MCCC2: variants seen among roughly 807,000 people sequenced by gnomAD.
MCCC2 encodes the protein methylcrotonyl-CoA carboxylase subunit 2.
A neutral mutation model predicts 77.2 loss-of-function variants in MCCC2; 52 were observed. The observed-to-expected ratio is 0.67, with a 90% CI of 0.54 to 0.85. The LOEUF is 0.85. MCCC2 is among the 40% of genes least tolerant of loss of function. MCCC2 has a pLI of 0.00. For missense variants in MCCC2, 682 were observed against 703.2 expected (o/e 0.97, Z 0.34); for synonymous variants, 253 against 248.4 (o/e 1.02, Z -0.18).
At chr5:71,636,023 T>G (rs1373610772) in intron 10 of MCCC2, 1 of 261,614 alleles carries the variant, frequency 3.8e-6, no homozygotes, top group Non-Finnish European at 7.8e-6. Flanking sequence ...CACATTTTTA[T>G]GTAGTTGAGA....
In MCCC2 at chr5:71,589,203, T is replaced by C. The variant is rs183850015; in HGVS notation, c.129+1649T>C. Among the ~76,000 whole-genome samples, 164 of 152,286 alleles carry C rather than the reference T, an allele frequency of 1.1e-3. 1 individual carries two copies. The highest frequency in any genetic ancestry group is 3.7e-3 in the Admixed American group (56 of 15,288). Reference sequence around the variant, plus strand: ...TTGGAGTTTCCAACTGGGCAGAATATTTAGTTAGGTGGAACTGCCATTAAT... The same window carrying C: ...TTGGAGTTTCCAACTGGGCAGAATACTTAGTTAGGTGGAACTGCCATTAAT... On this transcript the variant is annotated intron_variant, in intron 1 of 16. Coordinates refer to ENST00000340941, the MANE Select transcript of MCCC2 (RefSeq NM_022132.5).
At chr5:71,615,566 CTCAG>C (rs1419921340) in intron 6 of MCCC2, among the ~76,000 whole-genome samples, 1 of 152,124 alleles carries the variant, frequency 6.6e-6, no homozygotes, top group Non-Finnish European at 1.5e-5. Context: ...GTTCTGCTTT[CTCAG>C]TCAATTTCCT....
chr5:71,593,115 T>TCTTG (rs1745047625), intron 2 of MCCC2, 123 bp downstream of exon 2: 9 of 785,660 alleles, frequency 1.1e-5, no homozygotes, highest in Non-Finnish European at 1.9e-5. Context: ...TGAGATGGAG[T>TCTTG]CTTGCTCTCT....
At chr5:71,622,875 G>A (rs1430070403) in intron 6 of MCCC2, among the ~76,000 whole-genome samples, 5 of 152,198 alleles carry the variant, frequency 3.3e-5, no homozygotes, top group African/African-American at 1.2e-4. Flanking sequence ...GGGAGGCGGA[G>A]GCGGGCGGAT....
At chr5:71,607,004 C>T (rs1394835707) in intron 6 of MCCC2, among the ~76,000 whole-genome samples, 44 of 150,410 alleles carry the variant, frequency 2.9e-4, no homozygotes, top group African/African-American at 1.0e-3. Flanking sequence ...ATTTTTGCAT[C>T]AATGTTCATC....
chr5:71,630,636 C>G (rs1444377768), intron 7 of MCCC2, among the ~76,000 whole-genome samples: 2 of 152,048 alleles, frequency 1.3e-5, no homozygotes, highest in Admixed American at 6.5e-5. Context: ...GGAAAAGAAC[C>G]AAGAATTTAG....
At chr5:71,633,051 A>G (rs1426132356) in intron 8 of MCCC2, among the ~76,000 whole-genome samples, 2 of 141,744 alleles carry the variant, frequency 1.4e-5, no homozygotes, top group African/African-American at 5.3e-5. Context: ...TTTTAGGAGT[A>G]ATTGGGAAAC....
chr5:71,649,072 G>T, intron 13 of MCCC2, 25 bp from the exon 14 acceptor site: 1 of 1,613,820 alleles, frequency 6.2e-7, no homozygotes, highest in Non-Finnish European at 8.5e-7. Flanking sequence ...TCACCCAGAG[G>T]CTCTCTTTCT....
At position 71,643,904 on chromosome 5, in the gene MCCC2, T is replaced by C; in HGVS notation, c.1149+9T>C. 6.2e-7 allele frequency: 1 copy of C among 1,613,954 alleles called. No homozygotes were observed. Among genetic ancestry groups the C allele is most frequent in the South Asian group, 1.1e-5 (1 of 91,054 alleles). On this transcript the variant is annotated intron_variant, in intron 12 of 16. Coordinates refer to ENST00000340941, the MANE Select transcript of MCCC2 (RefSeq NM_022132.5). Reference sequence around the variant, plus strand: ...CTGAATCTGCAAAAAAGGCAAGTACTGTTAAAAATATTTCAAGATTTTCTG... The same window carrying C: ...CTGAATCTGCAAAAAAGGCAAGTACCGTTAAAAATATTTCAAGATTTTCTG...
chr5:71,653,809 C>T (rs1747505667), intron 16 of MCCC2, among the ~76,000 whole-genome samples: 1 of 150,084 alleles, frequency 6.7e-6, no homozygotes, highest in Non-Finnish European at 1.5e-5. Flanking sequence ...CGAGATCATG[C>T]CACTGTGCTC....
At chr5:71,609,696 G>GT (rs1745836319) in intron 6 of MCCC2, among the ~76,000 whole-genome samples, 4 of 151,758 alleles carry the variant, frequency 2.6e-5, no homozygotes, top group Non-Finnish European at 5.9e-5. Flanking sequence ...CATCTTTGTG[G>GT]TTTTATCTAC....
intron 11 of MCCC2, 70 bp downstream of exon 11, chr5:71,641,145 A>G (rs761191543): frequency 2.9e-6 from 4 of 1,382,370 alleles, no homozygotes; most frequent in Non-Finnish European, 3.1e-6. Context: ...TCTTGTTTCA[A>G]GACTTTGATA....
chr5:71,594,002 C>T (rs2112283019), intron 2 of MCCC2, among the ~76,000 whole-genome samples: 1 of 152,190 alleles, frequency 6.6e-6, no homozygotes, highest in South Asian at 2.1e-4. Flanking sequence ...GTCGGGAGCT[C>T]AAGTGATCTT....
At chr5:71,643,746 T>G in intron 11 of MCCC2, 73 bp from the exon 12 acceptor site, 1 of 1,613,120 alleles carries the variant, frequency 6.2e-7, no homozygotes, top group Non-Finnish European at 8.5e-7. Flanking sequence ...AATGTGTAAA[T>G]ATGCCTCTTT....
intron 8 of MCCC2, among the ~76,000 whole-genome samples, chr5:71,632,809 G>A (rs1746765014): frequency 6.6e-6 from 1 of 152,106 alleles, no homozygotes; most frequent in South Asian, 2.1e-4. Flanking sequence ...AGTTAGCTGT[G>A]AGCTGGCTTC....
chr5:71,604,481 G>T lies in MCCC2; in HGVS notation c.624+13G>T, dbSNP rs376190037. 2.5e-5 allele frequency: 39 copies of T among 1,588,904 alleles called. No homozygotes were observed. Among genetic ancestry groups the T allele is most frequent in the Non-Finnish European group, 2.9e-5 (34 of 1,157,400 alleles). ...AAATATTGCACAGGTAATTTTTCATGAATAAAGTGTACAGTGGTGCTTTTT... is the reference window on the plus strand; with the variant it reads ...AAATATTGCACAGGTAATTTTTCATTAATAAAGTGTACAGTGGTGCTTTTT... On this transcript the variant is annotated intron_variant, in intron 6 of 16. Transcript: ENST00000340941.
intron 4 of MCCC2, among the ~76,000 whole-genome samples, chr5:71,600,963 C>T (rs372720751): frequency 7.9e-5 from 12 of 152,160 alleles, no homozygotes; most frequent in Non-Finnish European, 1.5e-4. Context: ...GTCCCATTGC[C>T]GAGCCTCAGT....
chr5:71,589,941 C>T (rs1744910056), intron 1 of MCCC2, among the ~76,000 whole-genome samples: 1 of 152,184 alleles, frequency 6.6e-6, no homozygotes, highest in South Asian at 2.1e-4. Flanking sequence ...TAATGCTTCT[C>T]ACTCACCCAG....
At position 71,650,179 on chromosome 5, in the gene MCCC2, A is replaced by G. The variant is rs1466653592; in HGVS notation, c.1484A>G (p.Lys495Arg). Residue 495 changes from lysine to arginine, a missense_variant, in exon 15 of 17, where the codon AAG (lysine) becomes AGG (arginine). Coordinates refer to ENST00000340941, the MANE Select transcript of MCCC2 (RefSeq NM_022132.5). ...AAGGACCAAAGAGCCCGGGAAGGAA[A>G]GCAGGTCGGTGTCGTTTTCTCTTGT... ...ITKDQRAREG[K>R]QFSSADEAAL... 1.2e-6 allele frequency: 2 copies of G among 1,613,928 alleles called. No individual in the cohort carries two copies. The highest frequency in any genetic ancestry group is 1.7e-5 in the Admixed American group (1 of 60,018).
Sources: allele counts gnomAD v4.1 joint callset (sites outside exome capture counted in the v4.1 genomes callset), GRCh38; gene constraint gnomAD v4.1.1; transcripts MANE v1.5; gene names NCBI Gene and HGNC (gene_info 2026-07-23, HGNC 2026-07-21).